TMEM71: variants seen among roughly 807,000 people sequenced by gnomAD.
TMEM71 encodes transmembrane protein 71.
TMEM71 carries 44 observed loss-of-function variants against 38.0 expected under a neutral mutation model. The observed-to-expected ratio is 1.16, with a 90% confidence interval of 0.91 to 1.49. The LOEUF (loss-of-function observed/expected upper bound fraction) is 1.49. Ranked by LOEUF, TMEM71 falls within the 40% of genes most tolerant of loss-of-function variation. The pLI is 0.00. For missense variants in TMEM71, 367 were observed against 348.6 expected (o/e 1.05, Z -0.42); for synonymous variants, 133 against 122.5 (o/e 1.09, Z -0.56).
intron 6 of TMEM71, among the ~76,000 whole-genome samples, chr8:132,726,263 C>A (rs995640721): frequency 1.3e-5 from 2 of 151,398 alleles, no homozygotes; most frequent in African/African-American, 2.4e-5. Flanking sequence ...AAAAACCAAA[C>A]CAAAACAAAA....
At chr8:132,711,829 G>T (rs544231893) in intron 9 of TMEM71, among the ~76,000 whole-genome samples, 1 of 152,262 alleles carries the variant, frequency 6.6e-6, no homozygotes, top group South Asian at 2.1e-4. Context: ...AGTGCAGGAT[G>T]GGTGTGTGTG....
At chr8:132,766,747 C>T in the TMEM71 span, among the ~76,000 whole-genome samples, 2 of 148,688 alleles carry the variant, frequency 1.3e-5, no homozygotes, top group Non-Finnish European at 1.5e-5. Flanking sequence ...GCCAACATTG[C>T]GTACCCTAAC....
At chr8:132,728,362 G>T (rs1827269489) in intron 5 of TMEM71, among the ~76,000 whole-genome samples, 1 of 152,114 alleles carries the variant, frequency 6.6e-6, no homozygotes, top group Non-Finnish European at 1.5e-5. Flanking sequence ...AGTGAAAAGA[G>T]AAATCCCTTG....
chr8:132,721,306 G>A (rs929254396), intron 7 of TMEM71, among the ~76,000 whole-genome samples: 1 of 152,162 alleles, frequency 6.6e-6, no homozygotes, highest in African/African-American at 2.4e-5. Context: ...CTATAAGAAG[G>A]CATGAAGAGA....
At chr8:132,706,644 A>T (rs1826098936), downstream of TMEM71, among the ~76,000 whole-genome samples, 1 of 152,146 alleles carries the variant, frequency 6.6e-6, no homozygotes, top group Non-Finnish European at 1.5e-5. Context: ...GGCCACCTTT[A>T]AAAGATATTA....
chr8:132,716,290 A>C (rs2131011674), intron 7 of TMEM71, among the ~76,000 whole-genome samples: 1 of 152,166 alleles, frequency 6.6e-6, no homozygotes, highest in East Asian at 1.9e-4. Context: ...CAGTGACCAG[A>C]CCCCACATTT....
At position 132,722,291 on chromosome 8, in the gene TMEM71, C is replaced by T. The variant is rs553319744; in HGVS notation, c.677-176G>A. Among the ~76,000 whole-genome samples the T allele has an allele frequency of 9.8e-4, 149 of 151,592 alleles. 1 individual carries two copies. Among genetic ancestry groups the T allele is most frequent in the African/African-American group, 3.3e-3 (138 of 41,296 alleles). Reference sequence around the variant, plus strand: ...CAAGATAAAATTACCTACTGTTATACAGGGCTGTCATTAGAAAATTTCTGC... The same window carrying T: ...CAAGATAAAATTACCTACTGTTATATAGGGCTGTCATTAGAAAATTTCTGC... On this transcript the variant is annotated intron_variant, in intron 6 of 9. Transcript: ENST00000677595.
rs372379448 is a variant in TMEM71 at position 132,745,160 on chromosome 8, A to G, written c.487+1782T>C. ...GTCCTCAAAAGCAATTGCAACAAAA[A>G]CAAAAATTGACAAATAGAACCTAAT... On this transcript the variant is annotated intron_variant, in intron 5 of 9. Coordinates refer to ENST00000677595, the MANE Select transcript of TMEM71 (RefSeq NM_001382403.1). 1.9e-3 allele frequency among the ~76,000 whole-genome samples: 283 copies of G among 152,262 alleles called. 2 individuals carry two copies. Among genetic ancestry groups the G allele is most frequent in the African/African-American group, 6.4e-3 (265 of 41,566 alleles).
chr8:132,711,350 A>C (rs1287117984), intron 9 of TMEM71, among the ~76,000 whole-genome samples: 3 of 152,136 alleles, frequency 2.0e-5, no homozygotes, highest in Non-Finnish European at 2.9e-5. Context: ...AAAGGTAATC[A>C]TGATCCTCAA....
the TMEM71 span, among the ~76,000 whole-genome samples, chr8:132,775,117 C>A: frequency 1.3e-5 from 2 of 152,224 alleles, no homozygotes; most frequent in Non-Finnish European, 2.9e-5. Flanking sequence ...CCCAACGAAT[C>A]AAGAATAATA....
At chr8:132,727,665 G>T in intron 6 of TMEM71, 133 bp downstream of exon 6, 2 of 707,016 alleles carry the variant, frequency 2.8e-6, no homozygotes, top group South Asian at 2.2e-5. Flanking sequence ...TTTGGCAGAG[G>T]CCCCATGTCC....
Position 132,752,086 on chromosome 8 carries a change from A to G in TMEM71, c.102-89T>C, listed in dbSNP as rs188983580. On this transcript the variant is annotated intron_variant, in intron 3 of 9. Transcript: ENST00000677595. ...TGTCTCATCACTGTGAAGGAAAATA[A>G]CATCTTTGCATCCATGACTGTCAAT... 9.1e-4 allele frequency: 962 copies of G among 1,051,522 alleles called. 7 individuals carry two copies. The African/African-American group carries it at 0.012, about 13-fold the overall frequency. The allele number at this position is 1,051,522 out of a possible 1,614,324, so 65.1% of individuals were successfully genotyped here. A position where few individuals can be genotyped will look rare whatever the true frequency, so the allele number is the denominator to read the frequency against.
At chr8:132,725,578 G>T (rs897162917) in intron 6 of TMEM71, among the ~76,000 whole-genome samples, 1 of 152,164 alleles carries the variant, frequency 6.6e-6, no homozygotes, top group East Asian at 1.9e-4. Flanking sequence ...TGATGTATCT[G>T]CCTATATCTT....
intron 3 of TMEM71, among the ~76,000 whole-genome samples, chr8:132,756,476 T>C (rs939958039): frequency 1.4e-4 from 21 of 145,430 alleles, no homozygotes; most frequent in Non-Finnish European, 2.5e-4. Context: ...TTATTTAGTA[T>C]GTACATGGCA....
chr8:132,761,268 A>G (rs193145973), upstream of TMEM71, among the ~76,000 whole-genome samples: 1 of 152,082 alleles, frequency 6.6e-6, no homozygotes, highest in Non-Finnish European at 1.5e-5. Flanking sequence ...CAGAAATTCA[A>G]CCTGTCTACC....
At position 132,746,410 on chromosome 8, in the gene TMEM71, TACAC is replaced by T. The variant is rs1190151710; in HGVS notation, c.487+528_487+531del. On this transcript the variant is annotated intron_variant, in intron 5 of 9. Transcript: ENST00000677595. ...ATACATATATATATACATATATATA[TACAC>T]ACACATATATATACATATATATATA... Among the ~76,000 whole-genome samples, 25 of 15,470 alleles carry T rather than the reference TACAC, an allele frequency of 1.6e-3. 1 individual carries two copies. The highest frequency in any genetic ancestry group is 0.011 in the South Asian group (2 of 188). 10.1% of individuals were successfully genotyped at this position (15,470 alleles called of 152,430 possible).
chr8:132,739,064 A>C (rs1827897620), intron 5 of TMEM71, among the ~76,000 whole-genome samples: 1 of 152,212 alleles, frequency 6.6e-6, no homozygotes, highest in Non-Finnish European at 1.5e-5. Context: ...AAAATTAAAA[A>C]AAAATGTTAC....
chr8:132,775,992 A>G, the TMEM71 span, among the ~76,000 whole-genome samples: 4 of 151,676 alleles, frequency 2.6e-5, no homozygotes, highest in Non-Finnish European at 5.9e-5. Flanking sequence ...GTCGGTCTCT[A>G]TGTCTTCTTG....
At chr8:132,746,232 T>C (rs1006883321) in intron 5 of TMEM71, among the ~76,000 whole-genome samples, 3 of 150,878 alleles carry the variant, frequency 2.0e-5, no homozygotes, top group East Asian at 1.9e-4. Flanking sequence ...ACTGTGTTTA[T>C]ATACATGTAT....
Sources: gnomAD v4.1 joint callset for allele counts (sites outside exome capture counted in the v4.1 genomes callset) on GRCh38, gnomAD v4.1.1 for gene constraint, MANE v1.5 for transcripts, NCBI Gene and HGNC (gene_info 2026-07-23, HGNC 2026-07-21) for gene names.